Variants in SMAD3 observed in about 807,000 individuals in gnomAD.
SMAD3 encodes the protein MAD homolog 3.
SMAD3 carries 12 observed loss-of-function variants against 51.8 expected under a neutral mutation model. The ratio of observed to expected loss-of-function variants is 0.23; its 90% confidence interval spans 0.15 to 0.38. SMAD3 has a LOEUF of 0.38. Among genes scored for constraint, SMAD3 ranks in the 10% least tolerant of loss-of-function variants. The pLI is 1.00. For missense variants in SMAD3, 294 were observed against 565.6 expected, an observed-to-expected ratio of 0.52 and a Z score of 4.87; for synonymous variants, 238 against 227.7, an observed-to-expected ratio of 1.05 and a Z score of -0.41.
intron 1 of SMAD3, among the ~76,000 whole-genome samples, chr15:67,158,261 G>A (rs1401978579): frequency 6.6e-6 from 1 of 152,208 alleles, no homozygotes; most frequent in Non-Finnish European, 1.5e-5. Flanking sequence ...TCCAGCAGCT[G>A]AAACTCCCAA....
At chr15:67,096,485 A>G (rs1471642031) in intron 1 of SMAD3, among the ~76,000 whole-genome samples, 2 of 152,262 alleles carry the variant, frequency 1.3e-5, no homozygotes, top group African/African-American at 4.8e-5. Context: ...TATAAATAGG[A>G]GTGGTAAAAT....
At chr15:67,132,804 C>T (rs563164111) in intron 1 of SMAD3, among the ~76,000 whole-genome samples, 4 of 152,250 alleles carry the variant, frequency 2.6e-5, no homozygotes, top group African/African-American at 9.6e-5. Flanking sequence ...AGCAAGCTGC[C>T]GCACTCCCCA....
chr15:67,116,183 C>T (rs966560726), intron 1 of SMAD3, among the ~76,000 whole-genome samples: 1 of 152,230 alleles, frequency 6.6e-6, no homozygotes, highest in Non-Finnish European at 1.5e-5. Context: ...CAGTGGTTGA[C>T]ACTGTCTGAG....
At chr15:67,094,485 G>T (rs1388820603) in intron 1 of SMAD3, among the ~76,000 whole-genome samples, 1 of 152,190 alleles carries the variant, frequency 6.6e-6, no homozygotes, top group Non-Finnish European at 1.5e-5. Flanking sequence ...TGAGGAGAGG[G>T]CTGTGACCAG....
chr15:67,173,080 CAAG>C (rs1030559642), intron 5 of SMAD3, among the ~76,000 whole-genome samples: 3 of 152,090 alleles, frequency 2.0e-5, no homozygotes, highest in Non-Finnish European at 4.4e-5. Flanking sequence ...GATTCTAAAA[CAAG>C]AAGGAGGTGC....
intron 1 of SMAD3, among the ~76,000 whole-genome samples, chr15:67,101,842 C>T (rs187471390): frequency 6.0e-4 from 91 of 152,280 alleles, no homozygotes; most frequent in Middle Eastern, 6.8e-3. Flanking sequence ...AGATGATGGA[C>T]GTTAAAGTGC....
intron 1 of SMAD3, among the ~76,000 whole-genome samples, chr15:67,138,977 C>T (rs1961744523): frequency 6.6e-6 from 1 of 152,200 alleles, no homozygotes; most frequent in Non-Finnish European, 1.5e-5. Flanking sequence ...AGCAAAAGCC[C>T]TTCACTGTGC....
chr15:67,075,922 A>AG (rs1960157195), intron 1 of SMAD3, among the ~76,000 whole-genome samples: 1 of 151,928 alleles, frequency 6.6e-6, no homozygotes, highest in Non-Finnish European at 1.5e-5. Context: ...CTCAAAAAAA[A>AG]AAAAAATCAA....
chr15:67,087,341 G>A (rs1283828220), intron 1 of SMAD3, among the ~76,000 whole-genome samples: 1 of 152,116 alleles, frequency 6.6e-6, no homozygotes, highest in Non-Finnish European at 1.5e-5. Context: ...TCTGCAAGTG[G>A]GGGGGTGTTC....
rs1963377313 is a variant in SMAD3 at position 67,191,928 on chromosome 15, A to G, written c.*1392A>G. ...ATTAGGGAGAAAACTAGTCTAAATT[A>G]TTTCAACTGGAAAAAAGAAAAAAGA... On this transcript the variant is annotated 3_prime_UTR_variant, in exon 9 of 9. Transcript: ENST00000327367. 4.4e-6 allele frequency: 1 copy of G among 228,088 alleles called. No homozygotes were observed. Among genetic ancestry groups the G allele is most frequent in the East Asian group, 6.3e-5 (1 of 15,914 alleles). 14.1% of individuals were successfully genotyped at this position (228,088 alleles called of 1,614,324 possible).
intron 1 of SMAD3, among the ~76,000 whole-genome samples, chr15:67,127,491 A>G (rs1961419267): frequency 1.3e-5 from 2 of 151,988 alleles, no homozygotes; most frequent in South Asian, 4.1e-4. Context: ...ACGGCCCTCT[A>G]CCTGTGAATC....
chr15:67,105,029 A>G (rs1960845554), intron 1 of SMAD3, among the ~76,000 whole-genome samples: 1 of 152,206 alleles, frequency 6.6e-6, no homozygotes, highest in Non-Finnish European at 1.5e-5. Context: ...CTCAGTATCA[A>G]AGCCACCTGT....
At chr15:67,099,908 G>A (rs145279479) in intron 1 of SMAD3, among the ~76,000 whole-genome samples, 15 of 152,212 alleles carry the variant, frequency 9.9e-5, no homozygotes, top group African/African-American at 2.9e-4. Context: ...GTGGCCGGGC[G>A]CAGTGGCTTG....
At chr15:67,186,674 T>C (rs1963230208) in intron 7 of SMAD3, 1 of 163,192 alleles carries the variant, frequency 6.1e-6, no homozygotes, top group Non-Finnish European at 1.3e-5. Flanking sequence ...TCTTTAGTTT[T>C]ACTGTCTGGA....
At chr15:67,130,334 T>C (rs2140251977) in intron 1 of SMAD3, among the ~76,000 whole-genome samples, 1 of 152,148 alleles carries the variant, frequency 6.6e-6, no homozygotes, top group Non-Finnish European at 1.5e-5. Flanking sequence ...ACACCAGGGG[T>C]CCCCAACCCC....
intron 1 of SMAD3, among the ~76,000 whole-genome samples, chr15:67,164,272 G>A (rs1395688490): frequency 7.3e-6 from 1 of 136,756 alleles, no homozygotes; most frequent in Non-Finnish European, 1.5e-5. Flanking sequence ...CCGAGATGGC[G>A]CCACTACACT....
chr15:67,141,702 C>G lies in SMAD3; in HGVS notation c.207-23193C>G, dbSNP rs141441299. Among the ~76,000 whole-genome samples, 174 of 152,264 alleles carry G rather than the reference C, an allele frequency of 1.1e-3. 1 individual carries two copies. The highest frequency in any genetic ancestry group is 4.1e-3 in the South Asian group (20 of 4,822). ...AGCTCTGTACCTTGTGGTTGTTGGA[C>G]TAGATGATCTGTGAGCTGTTTTTCA... On this transcript the variant is annotated intron_variant, in intron 1 of 8. Coordinates refer to ENST00000327367, the MANE Select transcript of SMAD3 (RefSeq NM_005902.4).
At chr15:67,094,478 G>A (rs943652666) in intron 1 of SMAD3, among the ~76,000 whole-genome samples, 1 of 152,206 alleles carries the variant, frequency 6.6e-6, no homozygotes, top group African/African-American at 2.4e-5. Context: ...GCTACCCTGA[G>A]GAGAGGGCTG....
At chr15:67,124,738 C>T (rs1961344430) in intron 1 of SMAD3, among the ~76,000 whole-genome samples, 1 of 152,172 alleles carries the variant, frequency 6.6e-6, no homozygotes, top group South Asian at 2.1e-4. Context: ...GTTGAAACAT[C>T]TTGAAAAACC....
Sources: allele counts gnomAD v4.1 joint callset (sites outside exome capture counted in the v4.1 genomes callset), GRCh38; gene constraint gnomAD v4.1.1; transcripts MANE v1.5; gene names NCBI Gene and HGNC (gene_info 2026-07-23, HGNC 2026-07-21).